Variants in GNL3L observed in about 807,000 individuals in gnomAD.
The protein encoded by GNL3L is guanine nucleotide-binding protein-like 3-like protein.
A neutral mutation model predicts 42.9 loss-of-function variants in GNL3L; 4 were observed. That is an observed-to-expected ratio of 0.09 (90% confidence interval 0.05 to 0.21). The LOEUF is 0.21. Among genes scored for constraint, GNL3L ranks in the 10% least tolerant of loss-of-function variants. The probability of loss-of-function intolerance (pLI) is 1.00; values close to 1 mark genes in which losing one functional copy is unlikely to be tolerated. For synonymous variants in GNL3L, 159 were observed against 176.3 expected (o/e 0.90, Z 0.78); for missense variants, 412 against 481.7 (o/e 0.86, Z 1.36).
At chrX:54,541,430 G>A in intron 5 of GNL3L, 41 bp downstream of exon 5, 1 of 844,594 alleles carries the variant, frequency 1.2e-6, no homozygotes, top group Non-Finnish European at 1.8e-6. Context: ...TTTGCTCAAA[G>A]CATCTTTTGC....
intron 16 of GNL3L, among the ~76,000 whole-genome samples, chrX:54,607,580 A>G (rs1569542647): frequency 1.8e-5 from 2 of 111,006 alleles, no homozygotes; most frequent in Admixed American, 9.6e-5. Context: ...TCACAAGGAC[A>G]TAGGAGTCAC....
chrX:54,573,307 G>C (rs1330060295), intron 16 of GNL3L, among the ~76,000 whole-genome samples: 1 of 113,305 alleles, frequency 8.8e-6, no homozygotes, highest in Non-Finnish European at 1.9e-5. Flanking sequence ...ACCTCGGGAG[G>C]CCGAGGCTGG....
chrX:54,639,366 C>G, the GNL3L span, among the ~76,000 whole-genome samples: 47 of 112,305 alleles, frequency 4.2e-4, no homozygotes, highest in Non-Finnish European at 6.8e-4. Flanking sequence ...CACTTTCATC[C>G]GACGTGCCCC....
intron 16 of GNL3L, among the ~76,000 whole-genome samples, chrX:54,602,911 C>T (rs1204939226): frequency 8.9e-6 from 1 of 111,958 alleles, no homozygotes; most frequent in African/African-American, 3.2e-5. Flanking sequence ...GGTTGGCTGA[C>T]ATCTTGATTT....
chrX:54,629,063 T>G, the GNL3L span, among the ~76,000 whole-genome samples: 1 of 107,870 alleles, frequency 9.3e-6, no homozygotes, highest in African/African-American at 3.4e-5. Flanking sequence ...GATTCTCAGC[T>G]TGGTTACTGT....
chrX:54,630,708 T>TTCTTTCTTTCTTTCTCTC, the GNL3L span, among the ~76,000 whole-genome samples: 3 of 58,651 alleles, frequency 5.1e-5, no homozygotes, highest in Non-Finnish European at 8.5e-5. Flanking sequence ...CTTTCTTTCT[T>TTCTTTCTTTCTTTCTCTC]TTTCTTTCTT....
intron 1 of GNL3L, 92 bp from the exon 2 acceptor site, chrX:54,532,428 T>G (rs1924279564): frequency 3.7e-6 from 2 of 538,344 alleles, no homozygotes; most frequent in African/African-American, 4.7e-5. Context: ...CATAATGTTC[T>G]TTAACATTTT....
rs567172499 is a variant in GNL3L at position 54,564,402 on chromosome X, C to CTTTTTTTTTT, written c.*3811_*3820dup. The stretch of plus-strand genomic sequence containing the variant: ...AGTCACTGGTTTTTTTCTTCGTTCT[C>CTTTTTTTTTT]TTTTTTTTTTTTTTTTTTTTGAGAC... On this transcript the variant is annotated 3_prime_UTR_variant, in exon 16 of 16. Transcript: ENST00000360845. Among the ~76,000 whole-genome samples, 1 of 80,808 alleles carries CTTTTTTTTTT rather than the reference C, an allele frequency of 1.2e-5. No individual in the cohort carries two copies. The highest frequency in any genetic ancestry group is 5.0e-5 in the African/African-American group (1 of 20,056). 70.2% of individuals were successfully genotyped at this position (80,808 alleles called of 115,157 possible). A position where few individuals can be genotyped will look rare whatever the true frequency, so the allele number is the denominator to read the frequency against.
chrX:54,541,510 T>A, intron 5 of GNL3L, 121 bp downstream of exon 5: 2 of 423,314 alleles, frequency 4.7e-6, no homozygotes, highest in Middle Eastern at 4.1e-4. Flanking sequence ...GTAGAGAGGA[T>A]AGAAAACCAT....
At chrX:54,644,557 A>T in the GNL3L span, among the ~76,000 whole-genome samples, 1 of 111,940 alleles carries the variant, frequency 8.9e-6, no homozygotes, top group Non-Finnish European at 1.9e-5. Context: ...TGTCACCTTT[A>T]TCAAATATGG....
chrX:54,598,805 G>A (rs1925968431), intron 16 of GNL3L, among the ~76,000 whole-genome samples: 1 of 111,144 alleles, frequency 9.0e-6, no homozygotes, highest in Non-Finnish European at 1.9e-5. Context: ...GATGTCAATA[G>A]GTAATTCTAA....
intron 16 of GNL3L, among the ~76,000 whole-genome samples, chrX:54,578,262 C>G (rs962950028): frequency 5.4e-5 from 6 of 111,730 alleles, no homozygotes; most frequent in Non-Finnish European, 1.1e-4. Flanking sequence ...CCTTTTACAT[C>G]TCTTGTAATG....
At chrX:54,619,310 A>C (rs1295537667) in intron 16 of GNL3L, among the ~76,000 whole-genome samples, 1 of 111,400 alleles carries the variant, frequency 9.0e-6, no homozygotes, top group East Asian at 2.8e-4. Context: ...AAAAATAATA[A>C]AGTATCTGTT....
rs138347148 is a variant in GNL3L, at chrX:54,560,577, A to G, written c.1724A>G (p.Asn575Ser). ...ATGTCTGCTCTCGACCTCTCTGGCA[A>G]TGCTGATGATGGTGTTGGTGACTAA... The part of the protein sequence containing the change: ...SMMSALDLSG[N>S]ADDGVGD The change falls in exon 16 of 16, where the codon AAT becomes AGT. Residue 575 changes from asparagine to serine, a missense_variant. Asn to Ser is a conservative substitution (Grantham distance 46). Coordinates refer to ENST00000360845, the MANE Select transcript of GNL3L (RefSeq NM_001184819.2). The G allele has an allele frequency of 2.8e-5, 32 of 1,156,018 alleles. No homozygotes were observed. In the African/African-American group the frequency reaches 5.3e-4, roughly 19 times the overall value.
rs1288876698 is a variant in GNL3L, at chrX:54,552,278, A to G, written c.1182-14A>G. 2 of 1,205,245 alleles carry G rather than the reference A, an allele frequency of 1.7e-6. No homozygotes were observed. The highest frequency in any genetic ancestry group is 3.0e-5 in the East Asian group (1 of 33,797). ...AGTGACAGCACCACTCATCTCCCCT[A>G]TCTCCCAATGCAGCGGGAAGATCAG... On this transcript the variant is annotated splice_polypyrimidine_tract_variant and intron_variant, in intron 12 of 15. Coordinates refer to ENST00000360845, the MANE Select transcript of GNL3L (RefSeq NM_001184819.2).
the GNL3L span, among the ~76,000 whole-genome samples, chrX:54,633,120 G>A: frequency 9.0e-6 from 1 of 111,537 alleles, no homozygotes; most frequent in Non-Finnish European, 1.9e-5. Context: ...TCTTAGCCAC[G>A]AATACCAGCA....
At chrX:54,619,102 A>C (rs1926256657) in intron 16 of GNL3L, among the ~76,000 whole-genome samples, 1 of 111,801 alleles carries the variant, frequency 8.9e-6, no homozygotes, top group East Asian at 2.8e-4. Context: ...CATGTATCAG[A>C]ATATTAAGCA....
intron 16 of GNL3L, among the ~76,000 whole-genome samples, chrX:54,588,807 TAAA>T (rs1181698952): frequency 1.8e-5 from 2 of 111,187 alleles, no homozygotes; most frequent in Admixed American, 1.9e-4. Context: ...AAATAAAAAA[TAAA>T]AAAAAGTGGA....
chrX:54,572,914 C>T (rs1182681925), intron 16 of GNL3L, among the ~76,000 whole-genome samples: 4 of 107,612 alleles, frequency 3.7e-5, no homozygotes, highest in African/African-American at 6.8e-5. Context: ...GACAGGGCGG[C>T]GGGGCAGAGG....
Sources: gnomAD v4.1 joint callset for allele counts (sites outside exome capture counted in the v4.1 genomes callset) on GRCh38, gnomAD v4.1.1 for gene constraint, MANE v1.5 for transcripts, NCBI Gene and HGNC (gene_info 2026-07-23, HGNC 2026-07-21) for gene names.